The following AP1AR variants were observed in gnomAD, a reference collection of about 807,000 sequenced individuals.
The protein encoded by AP1AR is adaptor related protein complex 1 associated regulatory protein, also known as AP-1 complex-associated regulatory protein.
AP1AR carries 29 observed loss-of-function variants against 46.3 expected under a neutral mutation model. The ratio of observed to expected loss-of-function variants is 0.63; its 90% CI spans 0.47 to 0.85. AP1AR has a LOEUF of 0.85. AP1AR is among the 40% of genes least tolerant of loss of function. The pLI is 0.00. For missense variants in AP1AR, 357 were observed against 356.3 expected (o/e 1.00, Z -0.02); for synonymous variants, 122 against 122.9 (o/e 0.99, Z 0.05).
In AP1AR at chr4:112,272,005, A is replaced by G. The variant is rs1010985925; in HGVS notation, c.*3596A>G. Among the ~76,000 whole-genome samples, 2 of 152,216 alleles carry G rather than the reference A, an allele frequency of 1.3e-5. No homozygotes were observed. Among genetic ancestry groups the G allele is most frequent in the African/African-American group, 4.8e-5 (2 of 41,452 alleles). ...ATAGTGTCACAGGAGCCAGGAAATA[A>G]GAGGGCTCAACAATAGCAAATGCTT... On this transcript the variant is annotated 3_prime_UTR_variant, in exon 10 of 10. Transcript: ENST00000274000.
At position 112,262,993 on chromosome 4, in the gene AP1AR, C is replaced by T; in HGVS notation, c.288C>T (p.Ala96=). Residue 96 remains alanine, a synonymous_variant, in exon 6 of 10, where the codon GCC becomes GCT. Transcript: ENST00000274000. ...DLDKKIQKEL[A]LQEEKLRLEE... The stretch of plus-strand genomic sequence containing the variant: ...ATCGTTTTGTTCATGTACAGTTAGC[C>T]TTACAAGAAGAGAAGTTAAGACTAG... 1.9e-6 allele frequency: 3 copies of T among 1,611,896 alleles called. No individual in the cohort carries two copies. Among genetic ancestry groups the T allele is most frequent in the Non-Finnish European group, 2.5e-6 (3 of 1,178,180 alleles).
chr4:112,253,213 A>C lies in AP1AR; in HGVS notation c.89A>C (p.Lys30Thr). 2 of 1,609,536 alleles carry C rather than the reference A, an allele frequency of 1.2e-6. No homozygotes were observed. Among genetic ancestry groups the C allele is most frequent in the Non-Finnish European group, 1.7e-6 (2 of 1,178,040 alleles). The change falls in exon 2 of 10, where the codon AAG becomes ACG. Residue 30 changes from lysine (K) to threonine (T), a missense_variant. Coordinates refer to ENST00000274000, the MANE Select transcript of AP1AR (RefSeq NM_018569.6). ...LQRVGGGGGS[K>T]YFRTCSRGEH... ...TATTCTGTTTTCCTTCCCAGATCCAAGTATTTTAGAACATGCTCAAGAGGT... is the reference window on the plus strand; with the variant it reads ...TATTCTGTTTTCCTTCCCAGATCCACGTATTTTAGAACATGCTCAAGAGGT...
intron 1 of AP1AR, among the ~76,000 whole-genome samples, chr4:112,232,750 A>G (rs1725070782): frequency 6.6e-6 from 1 of 152,228 alleles, no homozygotes; most frequent in African/African-American, 2.4e-5. Context: ...CTTGGTGCTC[A>G]TAACTACAGG....
Position 112,268,199 on chromosome 4 carries a change from A to G in AP1AR, c.699A>G (p.Leu233=). 1 of 1,607,616 alleles carries G rather than the reference A, an allele frequency of 6.2e-7. No individual in the cohort carries two copies. The highest frequency in any genetic ancestry group is 8.5e-7 in the Non-Finnish European group (1 of 1,176,808). ...RERSKTEEDI[L]RAALKYSNKK... ...GTTCCAAAACAGAGGAAGACATTCT[A>G]CGGGCAGCACTTAAGTATAGCAACA... The change falls in exon 10 of 10, where the codon CTA becomes CTG. Residue 233 remains leucine, a synonymous_variant. Transcript: ENST00000274000.
At position 112,270,691 on chromosome 4, in the gene AP1AR, G is replaced by A. The variant is rs181023653; in HGVS notation, c.*2282G>A. 2.9e-3 allele frequency among the ~76,000 whole-genome samples: 443 copies of A among 152,246 alleles called. No individual in the cohort carries two copies. Among genetic ancestry groups the A allele is most frequent in the African/African-American group, 9.7e-3 (403 of 41,532 alleles). On this transcript the variant is annotated 3_prime_UTR_variant, in exon 10 of 10. Transcript: ENST00000274000. ...TGGGAAAGAGTTTGTTATGTTCTGT[G>A]AATAAAAAGACCACTGGGAATGAAG... is the stretch of plus-strand genomic sequence containing the variant.
intron 6 of AP1AR, among the ~76,000 whole-genome samples, chr4:112,263,349 A>AT (rs995701899): frequency 6.6e-6 from 1 of 152,190 alleles, no homozygotes; most frequent in African/African-American, 2.4e-5. Context: ...CTAAAGATAA[A>AT]TTTTAGTGCT....
At chr4:112,248,873 T>A (rs1725833610) in intron 1 of AP1AR, among the ~76,000 whole-genome samples, 1 of 152,226 alleles carries the variant, frequency 6.6e-6, no homozygotes, top group African/African-American at 2.4e-5. Flanking sequence ...GAGCGTTTGC[T>A]TTTGCTTTTC....
chr4:112,271,057 CTAAAG>C lies in AP1AR; in HGVS notation c.*2649_*2653del, dbSNP rs1726930774. 6.6e-6 allele frequency among the ~76,000 whole-genome samples: 1 copy of C among 152,098 alleles called. No homozygotes were observed. The highest frequency in any genetic ancestry group is 1.5e-5 in the Non-Finnish European group (1 of 68,022). ...ATTTTCTGATGGGTTGGATATAAGA[CTAAAG>C]GAAGGGGTAGAATCAGATACTACTG... is the stretch of plus-strand genomic sequence containing the variant. On this transcript the variant is annotated 3_prime_UTR_variant, in exon 10 of 10. Coordinates refer to ENST00000274000, the MANE Select transcript of AP1AR (RefSeq NM_018569.6).
chr4:112,236,370 T>C (rs957239086), intron 1 of AP1AR, among the ~76,000 whole-genome samples: 2 of 150,134 alleles, frequency 1.3e-5, no homozygotes, highest in Non-Finnish European at 2.9e-5. Context: ...TTCCATCTGC[T>C]CCCTGATTCC....
intron 1 of AP1AR, among the ~76,000 whole-genome samples, chr4:112,234,660 T>TG (rs199820390): frequency 0.16 from 24,053 of 148,254 alleles, 1,937 homozygotes; most frequent in Middle Eastern, 0.23. Context: ...TTATTTTAGT[T>TG]TTTTTTTTTT....
intron 1 of AP1AR, among the ~76,000 whole-genome samples, chr4:112,236,481 A>G (rs781169089): frequency 6.0e-5 from 9 of 149,702 alleles, no homozygotes; most frequent in Admixed American, 1.3e-4. Flanking sequence ...GCTCACTACA[A>G]CCTCCACCGC....
At chr4:112,264,661 T>G (rs1726598084) in intron 6 of AP1AR, among the ~76,000 whole-genome samples, 1 of 152,156 alleles carries the variant, frequency 6.6e-6, no homozygotes, top group African/African-American at 2.4e-5. Context: ...ATGTATTGTT[T>G]TAACTATTCC....
At chr4:112,257,661 T>TA (rs1198150137) in intron 3 of AP1AR, 111 bp from the exon 4 acceptor site, 5 of 776,838 alleles carry the variant, frequency 6.4e-6, no homozygotes, top group Non-Finnish European at 1.0e-5. Flanking sequence ...TTTACTCTGA[T>TA]AAAAAATGGG....
At chr4:112,243,587 T>C (rs1043285045) in intron 1 of AP1AR, among the ~76,000 whole-genome samples, 10 of 152,238 alleles carry the variant, frequency 6.6e-5, no homozygotes, top group African/African-American at 4.8e-5. Context: ...CAGCTTCTTA[T>C]ATGAACCAAG....
At chr4:112,257,674 A>G in intron 3 of AP1AR, 98 bp from the exon 4 acceptor site, 1 of 856,790 alleles carries the variant, frequency 1.2e-6, no homozygotes, top group Admixed American at 3.1e-5. Flanking sequence ...AAAATGGGTA[A>G]GTTGAAAGTA....
chr4:112,254,038 G>C (rs941476016), intron 2 of AP1AR, among the ~76,000 whole-genome samples: 1 of 151,858 alleles, frequency 6.6e-6, no homozygotes, highest in African/African-American at 2.4e-5. Context: ...TAAACCTTTT[G>C]AATTCATTGT....
At chr4:112,256,297 C>T (rs2110483775) in intron 3 of AP1AR, among the ~76,000 whole-genome samples, 1 of 152,286 alleles carries the variant, frequency 6.6e-6, no homozygotes, top group East Asian at 1.9e-4. Flanking sequence ...TTTCATAGAA[C>T]TTACTTCTTT....
chr4:112,242,928 A>G (rs957266702), intron 1 of AP1AR, among the ~76,000 whole-genome samples: 1 of 152,152 alleles, frequency 6.6e-6, no homozygotes, highest in Non-Finnish European at 1.5e-5. Context: ...GACTTGGAGG[A>G]ACTCTAGACT....
rs1367830077 is a variant in AP1AR, at chr4:112,271,227, G to A, written c.*2818G>A. On this transcript the variant is annotated 3_prime_UTR_variant, in exon 10 of 10. Coordinates refer to ENST00000274000, the MANE Select transcript of AP1AR (RefSeq NM_018569.6). ...TCTCTGGATCCTCCATGGCAAGATA[G>A]GCCATCGTAAAGGAGCTGTCAAAGG... Among the ~76,000 whole-genome samples the A allele has an allele frequency of 6.6e-6, 1 of 152,180 alleles. No individual in the cohort carries two copies. The highest frequency in any genetic ancestry group is 1.5e-5 in the Non-Finnish European group (1 of 68,024).
Sources: allele counts gnomAD v4.1 joint callset (sites outside exome capture counted in the v4.1 genomes callset), GRCh38; gene constraint gnomAD v4.1.1; transcripts MANE v1.5; gene names NCBI Gene and HGNC (gene_info 2026-07-23, HGNC 2026-07-21).